The following BRD1 variants were observed in gnomAD, a reference collection of about 807,000 sequenced individuals.
BRD1 encodes the protein bromodomain-containing protein 1.
Under a neutral mutation model 107.7 loss-of-function variants are expected in BRD1, and 24 were observed. That is an observed-to-expected ratio of 0.22 (90% confidence interval 0.16 to 0.31). The LOEUF (loss-of-function observed/expected upper bound fraction) is 0.31, where lower values mean the gene tolerates loss of function less well. BRD1 is among the 10% of genes least tolerant of loss of function. The pLI is 1.00. For synonymous variants in BRD1, 744 were observed against 686.1 expected, an observed-to-expected ratio of 1.08 and a Z score of -1.32; for missense variants, 1,279 against 1,638.6, an observed-to-expected ratio of 0.78 and a Z score of 3.79.
chr22:49,774,227 G>C lies in BRD1; in HGVS notation c.*6C>G. 6.2e-7 allele frequency: 1 copy of C among 1,610,764 alleles called. No individual in the cohort carries two copies. Among genetic ancestry groups the C allele is most frequent in the Non-Finnish European group, 8.5e-7 (1 of 1,177,964 alleles). ...ATGGACAAGACCCGCGCTGGCGGCC[G>C]GGCCGTCAGTCAATGTCACTGAGGT... On this transcript the variant is annotated 3_prime_UTR_variant, in exon 13 of 13. Coordinates refer to ENST00000404760, the MANE Select transcript of BRD1 (RefSeq NM_001304808.3).
chr22:49,776,377 C>T (rs778121796), intron 10 of BRD1, among the ~76,000 whole-genome samples: 13 of 152,290 alleles, frequency 8.5e-5, no homozygotes, highest in Non-Finnish European at 2.9e-5. Context: ...CAGCCTCCCA[C>T]GGACCCAGGG....
At chr22:49,826,162 C>T (rs960045394) in intron 1 of BRD1, 1 of 985,378 alleles carries the variant, frequency 1.0e-6, no homozygotes, top group East Asian at 1.1e-4. Flanking sequence ...AGATCAGAAA[C>T]GAACCTGTCA....
chr22:49,804,177 A>G (rs1304285302), intron 3 of BRD1, 27 bp downstream of exon 3: 1 of 1,540,424 alleles, frequency 6.5e-7, no homozygotes, highest in Admixed American at 1.8e-5. Flanking sequence ...AGACGCAGAA[A>G]GGCTGTGGGG....
intron 3 of BRD1, among the ~76,000 whole-genome samples, chr22:49,799,928 C>T (rs1312405590): frequency 6.6e-6 from 1 of 152,220 alleles, no homozygotes; most frequent in African/African-American, 2.4e-5. Context: ...GCACCCTGAC[C>T]CTACCTCAAA....
At chr22:49,799,242 G>T (rs2059594816) in intron 3 of BRD1, 123 bp from the exon 4 acceptor site, 7 of 1,337,216 alleles carry the variant, frequency 5.2e-6, no homozygotes, top group Non-Finnish European at 7.2e-6. Flanking sequence ...CCCATCCTGG[G>T]GAGGACAACA....
chr22:49,812,506 G>A (rs1450138560), intron 2 of BRD1, among the ~76,000 whole-genome samples: 1 of 152,172 alleles, frequency 6.6e-6, no homozygotes, highest in Non-Finnish European at 1.5e-5. Context: ...TGGAGGTGGA[G>A]GCTGCAGTGA....
At chr22:49,779,213 T>C (rs1407838060) in intron 8 of BRD1, among the ~76,000 whole-genome samples, 1 of 152,104 alleles carries the variant, frequency 6.6e-6, no homozygotes, top group East Asian at 1.9e-4. Flanking sequence ...CTGGGAGGCA[T>C]GTTTTGAAGG....
At chr22:49,780,523 G>A (rs1435323587) in intron 8 of BRD1, among the ~76,000 whole-genome samples, 11 of 152,022 alleles carry the variant, frequency 7.2e-5, no homozygotes, top group Admixed American at 3.3e-4. Flanking sequence ...TGGGGGCTGC[G>A]GCAGTGCGGG....
At position 49,822,334 on chromosome 22, in the gene BRD1, AGAATTGCTG is replaced by A. The variant is rs374210005; in HGVS notation, c.1367+608_1367+616del. Among the ~76,000 whole-genome samples the A allele has an allele frequency of 3.7e-3, 565 of 152,188 alleles. 1 individual carries two copies. The highest frequency in any genetic ancestry group is 0.012 in the African/African-American group (514 of 41,500). Reference sequence around the variant, plus strand: ...CAGCTACTCAGGAGGCTGAGACACAAGAATTGCTGGAACCTGGCAGCAGAGGTTGCAGAG... The same window carrying A: ...CAGCTACTCAGGAGGCTGAGACACAAGAACCTGGCAGCAGAGGTTGCAGAG... On this transcript the variant is annotated intron_variant, in intron 2 of 12. Transcript: ENST00000404760.
chr22:49,797,682 T>C lies in BRD1; in HGVS notation c.2098+123A>G, dbSNP rs1188628793. The C allele has an allele frequency of 6.6e-6, 6 of 904,102 alleles. No homozygotes were observed. In the South Asian group the frequency reaches 8.7e-5, roughly 13 times the overall value. 56.0% of individuals were successfully genotyped at this position (904,102 alleles called of 1,614,324 possible). A position where few individuals can be genotyped will look rare whatever the true frequency, so the allele number is the denominator to read the frequency against. ...TGAGGCTACTAGAAAATGTAAATGA[T>C]GTATGCGGTTGCATGCTAGTGGCTC... is the stretch of plus-strand genomic sequence containing the variant. On this transcript the variant is annotated intron_variant, in intron 6 of 12. Coordinates refer to ENST00000404760, the MANE Select transcript of BRD1 (RefSeq NM_001304808.3).
At chr22:49,789,915 C>A (rs771860823) in intron 7 of BRD1, among the ~76,000 whole-genome samples, 1 of 152,224 alleles carries the variant, frequency 6.6e-6, no homozygotes, top group Admixed American at 6.5e-5. Flanking sequence ...ACCATCTCCA[C>A]GCTGCAGGGA....
intron 8 of BRD1, 140 bp from the exon 9 acceptor site, chr22:49,777,953 A>T: frequency 8.1e-7 from 1 of 1,227,554 alleles, no homozygotes; most frequent in East Asian, 2.6e-5. Context: ...TTCACTCCCA[A>T]GTTCCCGAGC....
At position 49,797,916 on chromosome 22, in the gene BRD1, G is replaced by A. The variant is rs1369066940; in HGVS notation, c.1987C>T (p.Leu663=). 2 of 1,614,194 alleles carry A rather than the reference G, an allele frequency of 1.2e-6. No homozygotes were observed. The highest frequency in any genetic ancestry group is 1.7e-6 in the Non-Finnish European group (2 of 1,180,048). Residue 663 remains leucine (L), a synonymous_variant, in exon 6 of 13, where the codon CTG becomes TTG. Coordinates refer to ENST00000404760, the MANE Select transcript of BRD1 (RefSeq NM_001304808.3). ...VRLRDQGGVV[L]RQARREVDSI... is the part of the protein sequence containing the mutation. ...TCCACCTCGCGCCGGGCCTGCCTCAGAACAACACCTCCCTGATCGCGCAGC... is the reference window on the plus strand; with the variant it reads ...TCCACCTCGCGCCGGGCCTGCCTCAAAACAACACCTCCCTGATCGCGCAGC...
rs2060121557 is a variant in BRD1 at position 49,824,243 on chromosome 22, G to A, written c.75C>T (p.Ser25=). The change falls in exon 2 of 13, where the codon TCC becomes TCT. Residue 25 remains serine (S), a synonymous_variant. Coordinates refer to ENST00000404760, the MANE Select transcript of BRD1 (RefSeq NM_001304808.3). This position sits in a 1 kb window ranked among gnomAD's most constrained non-coding sequence, Gnocchi z 5.9. ...CGTAGGTCAGCGTTTCTCGCGTAGG[G>A]GAGTGTTTAACACTGCATGGGGAAG... The part of the protein sequence containing the change: ...HPSSPCSVKH[S]PTRETLTYAQ... 1 of 1,613,946 alleles carries A rather than the reference G, an allele frequency of 6.2e-7. No homozygotes were observed.
intron 2 of BRD1, chr22:49,818,342 C>G: frequency 7.9e-7 from 1 of 1,268,526 alleles, no homozygotes. Flanking sequence ...CTGCTGATCA[C>G]AGTCTCTTTT....
intron 2 of BRD1, among the ~76,000 whole-genome samples, chr22:49,809,657 C>T (rs1414611699): frequency 6.6e-6 from 1 of 152,010 alleles, no homozygotes; most frequent in Non-Finnish European, 1.5e-5. Flanking sequence ...AAAGTGGGTA[C>T]TGCTGACCGA....
rs930495483 is a variant in BRD1, at chr22:49,787,312, C to T, written c.2857+78G>A. On this transcript the variant is annotated intron_variant, in intron 8 of 12. Transcript: ENST00000404760. ...CAGAAGCTGGACACCCCCCCCCCCC[C>T]GTCACACCAATGATCCTGAAGGACG... is the stretch of plus-strand genomic sequence containing the variant. 1.1e-4 allele frequency: 87 copies of T among 819,078 alleles called. 1 individual carries two copies. The highest frequency in any genetic ancestry group is 4.1e-4 in the Middle Eastern group (1 of 2,462). The allele number at this position is 819,078 out of a possible 1,614,324, so 50.7% of individuals were successfully genotyped here. A position where few individuals can be genotyped will look rare whatever the true frequency, so the allele number is the denominator to read the frequency against.
Position 49,776,055 on chromosome 22 carries a change from C to A in BRD1, c.3226G>T (p.Ala1076Ser). The change falls in exon 11 of 13, where the codon GCA (alanine) becomes TCA (serine). Residue 1076 changes from alanine (A) to serine (S), a missense_variant. Physicochemically the swap from Ala to Ser is moderately conservative, Grantham distance 99. Transcript: ENST00000404760. ...AKCSGYPSYP[A>S]LIIDPKMPRV... is the part of the protein sequence containing the mutation. The stretch of plus-strand genomic sequence containing the variant: ...GCCACGAGAGCCGTACTCACCAGTG[C>A]CGGGTAGGAGGGGTAGCCGCTGCAC... 1 of 1,600,248 alleles carries A rather than the reference C, an allele frequency of 6.2e-7. No homozygotes were observed.
chr22:49,783,013 C>T lies in BRD1; in HGVS notation c.2857+4377G>A, dbSNP rs999102302. 6.1e-5 allele frequency among the ~76,000 whole-genome samples: 9 copies of T among 146,788 alleles called. No homozygotes were observed. Among genetic ancestry groups the T allele is most frequent in the Admixed American group, 3.4e-4 (5 of 14,638 alleles). ...CTGCTCCATGACAATGCAGCTGGGACGGTCAGAGACAGACCCAAGGCCCAT... is the reference window on the plus strand; with the variant it reads ...CTGCTCCATGACAATGCAGCTGGGATGGTCAGAGACAGACCCAAGGCCCAT... On this transcript the variant is annotated intron_variant, in intron 8 of 12. Transcript: ENST00000404760. This position sits in a 1 kb window ranked among gnomAD's most constrained non-coding sequence, Gnocchi z 4.2.
Sources: gnomAD v4.1 joint callset for allele counts (sites outside exome capture counted in the v4.1 genomes callset) on GRCh38, gnomAD v4.1.1 for gene constraint, Gnocchi (gnomAD v3.1) non-coding constraint, MANE v1.5 for transcripts, NCBI Gene and HGNC (gene_info 2026-07-23, HGNC 2026-07-21) for gene names.